The following IQCM variants were observed in gnomAD, a reference collection of about 807,000 sequenced individuals.
IQCM encodes IQ domain-containing protein M.
Under a neutral mutation model 57.6 loss-of-function variants are expected in IQCM, and 45 were observed. The observed-to-expected ratio is 0.78, with a 90% CI of 0.62 to 1.00. IQCM has a LOEUF of 1.00. Among genes scored for constraint, IQCM ranks in the 50% least tolerant of loss-of-function variants. The probability of loss-of-function intolerance (pLI) is 0.00; values close to 1 mark genes in which losing one functional copy is unlikely to be tolerated. For missense variants in IQCM, 468 were observed against 511.6 expected (o/e 0.91, Z 0.82); for synonymous variants, 148 against 158.9 (o/e 0.93, Z 0.51).
chr4:149,411,840 A>G (rs1733402154), intron 13 of IQCM, among the ~76,000 whole-genome samples: 1 of 152,182 alleles, frequency 6.6e-6, no homozygotes, highest in Non-Finnish European at 1.5e-5. Flanking sequence ...GAAAATAAAT[A>G]CTATGTCCTA....
chr4:149,487,182 C>T (rs1027100624), intron 12 of IQCM, among the ~76,000 whole-genome samples: 1 of 152,106 alleles, frequency 6.6e-6, no homozygotes, highest in Non-Finnish European at 1.5e-5. Flanking sequence ...CCCTTCAAGG[C>T]AGCAGATTCC....
At chr4:149,559,485 A>C (rs1398327666) in intron 10 of IQCM, among the ~76,000 whole-genome samples, 1 of 152,116 alleles carries the variant, frequency 6.6e-6, no homozygotes, top group Non-Finnish European at 1.5e-5. Flanking sequence ...ACCTGACAAA[A>C]TAAAGCCTCA....
At chr4:149,385,580 C>G (rs1379659675) in intron 13 of IQCM, among the ~76,000 whole-genome samples, 1 of 152,102 alleles carries the variant, frequency 6.6e-6, no homozygotes, top group African/African-American at 2.4e-5. Context: ...ATCTATCCAA[C>G]TGATTTACTT....
intron 7 of IQCM, among the ~76,000 whole-genome samples, chr4:149,655,422 A>T (rs2150141974): frequency 6.6e-6 from 1 of 152,286 alleles, no homozygotes; most frequent in South Asian, 2.1e-4. Flanking sequence ...CCAGCATGAA[A>T]AATTTTGTTT....
chr4:149,491,863 A>G (rs1248545794), intron 12 of IQCM, among the ~76,000 whole-genome samples: 1 of 151,870 alleles, frequency 6.6e-6, no homozygotes, highest in Non-Finnish European at 1.5e-5. Context: ...ACTAATTTAT[A>G]TCTCTACCAT....
intron 5 of IQCM, among the ~76,000 whole-genome samples, chr4:149,712,829 G>A (rs1203946837): frequency 6.6e-6 from 1 of 152,060 alleles, no homozygotes; most frequent in African/African-American, 2.4e-5. Flanking sequence ...CTGGAGTAGA[G>A]GACTATAATG....
At chr4:149,808,929 T>C (rs1165534257) in intron 2 of IQCM, among the ~76,000 whole-genome samples, 1 of 152,194 alleles carries the variant, frequency 6.6e-6, no homozygotes, top group East Asian at 1.9e-4. Flanking sequence ...TAAATGGAAG[T>C]AAAAAGGTAG....
chr4:149,400,101 C>G (rs1279702013), intron 13 of IQCM, among the ~76,000 whole-genome samples: 2 of 151,666 alleles, frequency 1.3e-5, no homozygotes, highest in African/African-American at 4.8e-5. Flanking sequence ...CTCTACTACT[C>G]AATTCTCTGG....
intron 13 of IQCM, among the ~76,000 whole-genome samples, chr4:149,401,142 G>A (rs1305537436): frequency 4.0e-5 from 6 of 151,602 alleles, no homozygotes; most frequent in African/African-American, 1.5e-4. Flanking sequence ...ACAACCAGGA[G>A]AAGGGATACG....
intron 5 of IQCM, among the ~76,000 whole-genome samples, chr4:149,720,823 A>C (rs910167071): frequency 3.9e-5 from 6 of 152,212 alleles, no homozygotes; most frequent in African/African-American, 1.4e-4. Context: ...ATTTCACAAT[A>C]AGGATCTGTT....
chr4:149,426,362 A>G (rs1734461333), intron 13 of IQCM, among the ~76,000 whole-genome samples: 2 of 151,990 alleles, frequency 1.3e-5, no homozygotes, highest in African/African-American at 4.8e-5. Flanking sequence ...CTCAGCATCC[A>G]GTGTCATTTT....
chr4:149,787,051 C>CA (rs1025128474), intron 2 of IQCM, among the ~76,000 whole-genome samples: 3 of 152,212 alleles, frequency 2.0e-5, no homozygotes, highest in African/African-American at 7.2e-5. Context: ...AGCTGGAAGC[C>CA]ATCATCCTCA....
chr4:149,555,755 A>G (rs1749519014), intron 10 of IQCM, among the ~76,000 whole-genome samples: 1 of 152,226 alleles, frequency 6.6e-6, no homozygotes, highest in South Asian at 2.1e-4. Flanking sequence ...CCTGAATAGA[A>G]AAGTTCCCTC....
chr4:149,375,016 C>T (rs1730617756), intron 13 of IQCM, among the ~76,000 whole-genome samples: 1 of 138,990 alleles, frequency 7.2e-6, no homozygotes. Context: ...GTGTGATGTT[C>T]TTTATTAGCA....
intron 12 of IQCM, among the ~76,000 whole-genome samples, chr4:149,512,073 C>T (rs912438246): frequency 1.3e-5 from 2 of 152,148 alleles, no homozygotes; most frequent in African/African-American, 4.8e-5. Flanking sequence ...AATCATGAAA[C>T]TTTTTAAAAG....
chr4:149,513,813 T>A (rs1744670317), intron 12 of IQCM, among the ~76,000 whole-genome samples: 1 of 152,006 alleles, frequency 6.6e-6, no homozygotes, highest in Non-Finnish European at 1.5e-5. Context: ...TGAAAAGAGG[T>A]CTCTGGAGAA....
At position 149,481,701 on chromosome 4, in the gene IQCM, G is replaced by GTTTTTTTTTTTTGTTTTTTGT. The variant is rs751057249; in HGVS notation, c.1229-48145_1229-48144insACAAAAAACAAAAAAAAAAAA. Among the ~76,000 whole-genome samples the GTTTTTTTTTTTTGTTTTTTGT allele has an allele frequency of 3.0e-3, 155 of 51,554 alleles. 8 individuals carry two copies. The highest frequency in any genetic ancestry group is 3.7e-3 in the East Asian group (7 of 1,884). 33.8% of individuals were successfully genotyped at this position (51,554 alleles called of 152,430 possible). On this transcript the variant is annotated intron_variant, in intron 12 of 13. Coordinates refer to ENST00000636793, the MANE Select transcript of IQCM (RefSeq NM_001363507.2). Reference sequence around the variant, plus strand: ...CATGTAATGTGATTCTTCCAGTTTTGTTTTTTTTTTTTTTTTTTTTTGCTT... The same window carrying GTTTTTTTTTTTTGTTTTTTGT: ...CATGTAATGTGATTCTTCCAGTTTTGTTTTTTTTTTTTGTTTTTTGTTTTTTTTTTTTTTTTTTTTTTGCTT...
chr4:149,591,273 C>A (rs895206166), intron 8 of IQCM, among the ~76,000 whole-genome samples: 7 of 151,904 alleles, frequency 4.6e-5, no homozygotes, highest in African/African-American at 1.7e-4. Flanking sequence ...TTTCTTTTGA[C>A]AATTCCTTCA....
chr4:149,568,982 A>G (rs1750901515), intron 9 of IQCM, among the ~76,000 whole-genome samples: 1 of 152,118 alleles, frequency 6.6e-6, no homozygotes, highest in African/African-American at 2.4e-5. Flanking sequence ...ATAGAATCCA[A>G]TGGAAGTGAT....
Sources: gnomAD v4.1 joint callset for allele counts (sites outside exome capture counted in the v4.1 genomes callset) on GRCh38, gnomAD v4.1.1 for gene constraint, MANE v1.5 for transcripts, NCBI Gene and HGNC (gene_info 2026-07-23, HGNC 2026-07-21) for gene names.